Variants in EFCAB11 observed in about 807,000 individuals in gnomAD.
EFCAB11 encodes EF-hand calcium binding domain 11.
EFCAB11 carries 14 observed loss-of-function variants against 23.0 expected under a neutral mutation model. The ratio of observed to expected loss-of-function variants is 0.61; its 90% confidence interval spans 0.40 to 0.95. The LOEUF (loss-of-function observed/expected upper bound fraction) is 0.95. EFCAB11 is among the 40% of genes least tolerant of loss of function. The pLI, the probability that EFCAB11 is intolerant of heterozygous loss-of-function variation, is 0.00. For missense variants in EFCAB11, 198 were observed against 195.8 expected (o/e 1.01, Z -0.07); for synonymous variants, 65 against 66.6 (o/e 0.98, Z 0.11).
intron 5 of EFCAB11, among the ~76,000 whole-genome samples, chr14:89,841,043 T>A (rs1258096804): frequency 6.6e-6 from 1 of 152,184 alleles, no homozygotes; most frequent in Non-Finnish European, 1.5e-5. Flanking sequence ...CGTGTCTTCT[T>A]CCTCACACTG....
intron 5 of EFCAB11, among the ~76,000 whole-genome samples, chr14:89,802,279 CT>C (rs1219024376): frequency 7.9e-5 from 12 of 151,458 alleles, no homozygotes; most frequent in African/African-American, 2.9e-4. Context: ...GGAATCTTTT[CT>C]ATTAAAATGA....
chr14:89,881,466 T>TATATA (rs10524743), intron 5 of EFCAB11, among the ~76,000 whole-genome samples: 4 of 122,214 alleles, frequency 3.3e-5, no homozygotes, highest in African/African-American at 6.0e-5. Flanking sequence ...TATATATATA[T>TATATA]TCTTTTTTTT....
chr14:89,917,098 ATG>A, intron 5 of EFCAB11, among the ~76,000 whole-genome samples: 1 of 73,342 alleles, frequency 1.4e-5, no homozygotes, highest in African/African-American at 1.3e-4. Context: ...GTGTGTGTGT[ATG>A]TGTGTGTTGA....
chr14:89,866,880 C>T (rs1178860211), intron 5 of EFCAB11, among the ~76,000 whole-genome samples: 1 of 152,194 alleles, frequency 6.6e-6, no homozygotes, highest in Non-Finnish European at 1.5e-5. Flanking sequence ...TTGGCCCACT[C>T]CAACCTCAGT....
At chr14:89,868,078 C>T (rs1041068408) in intron 5 of EFCAB11, among the ~76,000 whole-genome samples, 2 of 152,236 alleles carry the variant, frequency 1.3e-5, no homozygotes. Flanking sequence ...GCTTCCCAAT[C>T]ATTTGGAAAC....
At chr14:89,892,061 C>T in intron 5 of EFCAB11, 1 of 1,540,758 alleles carries the variant, frequency 6.5e-7, no homozygotes, top group Non-Finnish European at 8.8e-7. Flanking sequence ...GGTGGGTGTC[C>T]TGCTGGTCTT....
intron 3 of EFCAB11, among the ~76,000 whole-genome samples, chr14:89,943,522 C>T (rs1285524896): frequency 5.9e-5 from 9 of 152,116 alleles, no homozygotes; most frequent in South Asian, 2.1e-4. Context: ...GGACTACAGG[C>T]GTGAGCTACC....
intron 5 of EFCAB11, among the ~76,000 whole-genome samples, chr14:89,846,725 A>G (rs763857923): frequency 3.3e-5 from 5 of 152,180 alleles, no homozygotes; most frequent in Non-Finnish European, 7.3e-5. Context: ...CTCTAAGTCT[A>G]TGAATGGCCT....
At chr14:89,845,349 T>A (rs1887397701) in intron 5 of EFCAB11, among the ~76,000 whole-genome samples, 1 of 152,186 alleles carries the variant, frequency 6.6e-6, no homozygotes, top group African/African-American at 2.4e-5. Context: ...AGAAACAAAT[T>A]AATATGATTT....
At chr14:89,881,595 T>C (rs190309469) in intron 5 of EFCAB11, among the ~76,000 whole-genome samples, 23 of 150,664 alleles carry the variant, frequency 1.5e-4, no homozygotes, top group African/African-American at 5.6e-4. Flanking sequence ...TTACAGACAT[T>C]CACCACCACA....
At chr14:89,904,372 T>C (rs1889430985) in intron 5 of EFCAB11, among the ~76,000 whole-genome samples, 1 of 152,218 alleles carries the variant, frequency 6.6e-6, no homozygotes, top group Non-Finnish European at 1.5e-5. Context: ...ATCTAGTCTA[T>C]CATTGATGGA....
chr14:89,924,098 A>G, intron 5 of EFCAB11: 1 of 985,636 alleles, frequency 1.0e-6, no homozygotes, highest in Non-Finnish European at 1.2e-6. Flanking sequence ...TCCCTTTTAC[A>G]ATTGCATTCC....
At chr14:89,883,931 G>C (rs1888675012) in intron 5 of EFCAB11, among the ~76,000 whole-genome samples, 1 of 152,088 alleles carries the variant, frequency 6.6e-6, no homozygotes, top group South Asian at 2.1e-4. Flanking sequence ...TTCAAGACTA[G>C]CCTGGGCAAC....
chr14:89,808,210 G>A (rs1156831627), intron 5 of EFCAB11, among the ~76,000 whole-genome samples: 1 of 152,150 alleles, frequency 6.6e-6, no homozygotes, highest in African/African-American at 2.4e-5. Flanking sequence ...ATATAGGAAC[G>A]AAGACTAGCC....
intron 5 of EFCAB11, chr14:89,924,501 A>G: frequency 7.0e-7 from 1 of 1,423,540 alleles, no homozygotes; most frequent in Non-Finnish European, 9.2e-7. Context: ...ATGTACAAAT[A>G]GCAGTGCTTA....
chr14:89,830,200 A>C (rs1261573334), intron 5 of EFCAB11: 2 of 152,158 alleles, frequency 1.3e-5, no homozygotes, highest in East Asian at 3.8e-4. Context: ...AAGCAATCCC[A>C]TTTGTCACAT....
intron 5 of EFCAB11, among the ~76,000 whole-genome samples, chr14:89,825,027 C>T (rs891989146): frequency 5.3e-5 from 8 of 150,896 alleles, no homozygotes; most frequent in African/African-American, 1.9e-4. Context: ...TTTATAGAGC[C>T]CCACTCCTGA....
chr14:89,825,456 A>G (rs959915627), intron 5 of EFCAB11, among the ~76,000 whole-genome samples: 2 of 152,148 alleles, frequency 1.3e-5, no homozygotes, highest in South Asian at 4.1e-4. Context: ...TAAAATAACT[A>G]TAAGAAATAA....
intron 5 of EFCAB11, 75 bp from the exon 6 acceptor site, chr14:89,797,399 TTATTTATTTG>T: frequency 5.9e-6 from 8 of 1,361,284 alleles, no homozygotes; most frequent in Non-Finnish European, 8.2e-6. Context: ...ATTAGAATCT[TTATTTATTTG>T]CATGTCTGTG....
Sources: gnomAD v4.1 joint callset for allele counts (sites outside exome capture counted in the v4.1 genomes callset) on GRCh38, gnomAD v4.1.1 for gene constraint, MANE v1.5 for transcripts, NCBI Gene and HGNC (gene_info 2026-07-23, HGNC 2026-07-21) for gene names.